PCSK5: variants seen among roughly 807,000 people sequenced by gnomAD.
PCSK5 encodes the protein prohormone convertase 5.
In PCSK5, 129 loss-of-function variants were observed where a neutral mutation model predicts 233.2. The observed-to-expected ratio is 0.55, with a 90% CI of 0.48 to 0.64. PCSK5 has a LOEUF of 0.64. Among genes scored for constraint, PCSK5 ranks in the 30% least tolerant of loss-of-function variants. PCSK5 has a pLI of 0.00. For missense variants in PCSK5, 2,076 were observed against 2,430.1 expected (o/e 0.85, Z 3.06); for synonymous variants, 825 against 879.2 (o/e 0.94, Z 1.09).
At chr9:76,292,196 C>G in intron 24 of PCSK5, 37 bp from the exon 25 acceptor site, 1 of 1,274,022 alleles carries the variant, frequency 7.8e-7, no homozygotes, top group Non-Finnish European at 1.1e-6. Flanking sequence ...TGACGAATTC[C>G]TCATGATTAT....
chr9:76,318,766 A>T (rs1829105848), intron 30 of PCSK5, among the ~76,000 whole-genome samples: 1 of 152,234 alleles, frequency 6.6e-6, no homozygotes, highest in Non-Finnish European at 1.5e-5. Flanking sequence ...CAGTGGTTCC[A>T]ATCTTACAGG....
At chr9:76,257,919 G>A (rs1827036797) in intron 24 of PCSK5, among the ~76,000 whole-genome samples, 1 of 152,162 alleles carries the variant, frequency 6.6e-6, no homozygotes, top group South Asian at 2.1e-4. Context: ...ATATGTATAT[G>A]TTTTCCATAA....
At chr9:75,963,380 A>C (rs1412884614) in intron 2 of PCSK5, among the ~76,000 whole-genome samples, 1 of 152,246 alleles carries the variant, frequency 6.6e-6, no homozygotes, top group African/African-American at 2.4e-5. Flanking sequence ...TTTTGTGTTT[A>C]AAATAAGCAA....
chr9:76,277,102 A>C (rs1294951665), intron 24 of PCSK5, among the ~76,000 whole-genome samples: 1 of 151,960 alleles, frequency 6.6e-6, no homozygotes, highest in Non-Finnish European at 1.5e-5. Context: ...TGGTGGCACA[A>C]ACCTGTAGTC....
At chr9:75,908,921 ATCTC>A (rs1554704499) in intron 1 of PCSK5, among the ~76,000 whole-genome samples, 10,856 of 112,940 alleles carry the variant, frequency 0.096, 579 homozygotes, top group African/African-American at 0.17. Context: ...CTATCTATCT[ATCTC>A]TCTATCTCTC....
At chr9:76,045,729 A>T (rs1214827480) in intron 5 of PCSK5, among the ~76,000 whole-genome samples, 2 of 152,152 alleles carry the variant, frequency 1.3e-5, no homozygotes, top group African/African-American at 4.8e-5. Flanking sequence ...TTAATAACTG[A>T]CTTGTTATGG....
At chr9:76,252,503 A>G (rs1245713190) in intron 24 of PCSK5, among the ~76,000 whole-genome samples, 1 of 152,152 alleles carries the variant, frequency 6.6e-6, no homozygotes, top group African/African-American at 2.4e-5. Context: ...TACATCTGGA[A>G]GGTTCTGAGA....
At chr9:76,085,102 G>C in intron 7 of PCSK5, among the ~76,000 whole-genome samples, 1 of 152,168 alleles carries the variant, frequency 6.6e-6, no homozygotes, top group Non-Finnish European at 1.5e-5. Flanking sequence ...TTCTGCCATC[G>C]TGCTCTGTGC....
At chr9:75,912,976 T>C (rs1370746445) in intron 1 of PCSK5, among the ~76,000 whole-genome samples, 1 of 152,200 alleles carries the variant, frequency 6.6e-6, no homozygotes, top group African/African-American at 2.4e-5. Flanking sequence ...TTGGAACTCT[T>C]CTTACTTAAC....
intron 20 of PCSK5, chr9:76,195,042 G>A (rs1490309731): frequency 1.8e-5 from 3 of 169,798 alleles, no homozygotes; most frequent in Non-Finnish European, 2.5e-5. Context: ...TGAATAATAA[G>A]TAAATAGTCT....
chr9:76,332,659 A>G (rs1481983724), intron 34 of PCSK5, 49 bp downstream of exon 34: 1 of 1,304,236 alleles, frequency 7.7e-7, no homozygotes, highest in Non-Finnish European at 1.1e-6. Flanking sequence ...GCCACAGCAG[A>G]TATCAACCCA....
At chr9:76,199,256 A>G (rs1042019124) in intron 20 of PCSK5, among the ~76,000 whole-genome samples, 4 of 152,232 alleles carry the variant, frequency 2.6e-5, no homozygotes, top group African/African-American at 9.6e-5. Context: ...AAAGCTGTAC[A>G]GCATGTTACC....
Position 75,891,265 on chromosome 9 carries a change from C to G in PCSK5, c.84C>G (p.Pro28=), listed in dbSNP as rs34813806. Reference sequence around the variant, plus strand: ...CGCTGCTCGGGGGCTGCCTGCTCCCCGTGTGTCGGACGCGCGTCTACACCA... The same window carrying G: ...CGCTGCTCGGGGGCTGCCTGCTCCCGGTGTGTCGGACGCGCGTCTACACCA... ...VLALLGGCLL[P]VCRTRVYTNH... Residue 28 remains proline (P), a synonymous_variant, in exon 1 of 38, where the codon CCC becomes CCG. Coordinates refer to ENST00000674117, the MANE Select transcript of PCSK5 (RefSeq NM_001372043.1). 1.0e-5 allele frequency: 16 copies of G among 1,530,064 alleles called. No homozygotes were observed. Among genetic ancestry groups the G allele is most frequent in the Non-Finnish European group, 7.0e-6 (8 of 1,148,534 alleles). 94.8% of individuals were successfully genotyped at this position (1,530,064 alleles called of 1,614,324 possible).
At chr9:76,053,063 C>T (rs1829688896) in intron 5 of PCSK5, among the ~76,000 whole-genome samples, 1 of 152,208 alleles carries the variant, frequency 6.6e-6, no homozygotes, top group Non-Finnish European at 1.5e-5. Flanking sequence ...TGTGGCTTTG[C>T]AGGGTACAGC....
Position 76,189,231 on chromosome 9 carries a change from G to T in PCSK5, c.2510+8G>T, listed in dbSNP as rs1173108152. On this transcript the variant is annotated splice_region_variant and intron_variant, in intron 19 of 37. Coordinates refer to ENST00000674117, the MANE Select transcript of PCSK5 (RefSeq NM_001372043.1). ...ATACAAATCCTGCAAAAAGTAAGTGGATCTGCCCCCTGGGCCCTAGCATTT... is the reference window on the plus strand; with the variant it reads ...ATACAAATCCTGCAAAAAGTAAGTGTATCTGCCCCCTGGGCCCTAGCATTT... 1.2e-6 allele frequency: 2 copies of T among 1,611,672 alleles called. No homozygotes were observed. Among genetic ancestry groups the T allele is most frequent in the South Asian group, 1.1e-5 (1 of 90,824 alleles).
At chr9:76,284,694 A>T (rs7026962) in intron 24 of PCSK5, among the ~76,000 whole-genome samples, 1 of 151,804 alleles carries the variant, frequency 6.6e-6, no homozygotes, top group African/African-American at 2.4e-5. Flanking sequence ...CAGCATGCCC[A>T]GCTAATTTTG....
chr9:76,125,727 G>A (rs1832823846), intron 9 of PCSK5, among the ~76,000 whole-genome samples: 1 of 152,154 alleles, frequency 6.6e-6, no homozygotes, highest in South Asian at 2.1e-4. Flanking sequence ...CAAGTTAGCA[G>A]TCAAGATGTT....
At chr9:75,959,767 A>G (rs895423255) in intron 2 of PCSK5, among the ~76,000 whole-genome samples, 2 of 152,322 alleles carry the variant, frequency 1.3e-5, no homozygotes, top group Admixed American at 1.3e-4. Context: ...TAAACATTCA[A>G]CTGAAAAGAC....
At chr9:76,033,637 A>C (rs1487075864) in intron 5 of PCSK5, among the ~76,000 whole-genome samples, 1 of 152,160 alleles carries the variant, frequency 6.6e-6, no homozygotes, top group Non-Finnish European at 1.5e-5. Context: ...TCAGGCTGCT[A>C]TCACAAAATA....
Sources: allele counts gnomAD v4.1 joint callset (sites outside exome capture counted in the v4.1 genomes callset), GRCh38; gene constraint gnomAD v4.1.1; transcripts MANE v1.5; gene names NCBI Gene and HGNC (gene_info 2026-07-23, HGNC 2026-07-21).